PLEKHG1: variants seen among roughly 807,000 people sequenced by gnomAD.
The protein encoded by PLEKHG1 is pleckstrin homology domain-containing family G member 1.
PLEKHG1 carries 44 observed loss-of-function variants against 100.8 expected under a neutral mutation model. That is an observed-to-expected ratio of 0.44 (90% CI 0.34 to 0.56). The LOEUF is 0.56. Among genes scored for constraint, PLEKHG1 ranks in the 20% least tolerant of loss-of-function variants. The pLI is 0.01. For missense variants in PLEKHG1, 1,545 were observed against 1,720.9 expected (o/e 0.90, Z 1.81); for synonymous variants, 640 against 662.5 (o/e 0.97, Z 0.52).
chr6:150,769,609 AAAAAAG>A (rs1232591377), intron 3 of PLEKHG1, among the ~76,000 whole-genome samples: 15 of 150,498 alleles, frequency 1.0e-4, no homozygotes, highest in South Asian at 2.1e-4. Context: ...AAAAAGAAAG[AAAAAAG>A]AAAAAGAAAA....
intron 3 of PLEKHG1, among the ~76,000 whole-genome samples, chr6:150,769,211 A>G (rs1784591286): frequency 1.3e-5 from 2 of 152,208 alleles, no homozygotes; most frequent in Non-Finnish European, 2.9e-5. Context: ...AGTATGTAGC[A>G]GACACTGGGC....
chr6:150,714,638 G>A (rs1781356614), intron 3 of PLEKHG1, among the ~76,000 whole-genome samples: 1 of 152,180 alleles, frequency 6.6e-6, no homozygotes, highest in Non-Finnish European at 1.5e-5. Context: ...AGTAGGGGCT[G>A]AGAAACTACA....
chr6:150,828,001 T>C, intron 14 of PLEKHG1: 1 of 1,613,014 alleles, frequency 6.2e-7, no homozygotes, highest in Non-Finnish European at 8.5e-7. Context: ...GGCGAGGGCT[T>C]GTGGGTCATC....
chr6:150,656,046 T>C (rs1416758513), intron 3 of PLEKHG1, among the ~76,000 whole-genome samples: 1 of 151,730 alleles, frequency 6.6e-6, no homozygotes, highest in Non-Finnish European at 1.5e-5. Context: ...TGTATACCTA[T>C]GTAACAAACC....
At chr6:150,798,115 C>G (rs78300697) in intron 5 of PLEKHG1, among the ~76,000 whole-genome samples, 251 of 152,216 alleles carry the variant, frequency 1.6e-3, no homozygotes, top group Middle Eastern at 3.4e-3. Context: ...CTGAAAACAT[C>G]AGGCGATTGC....
chr6:150,643,023 C>T (rs766229635), intron 2 of PLEKHG1, among the ~76,000 whole-genome samples: 15 of 152,224 alleles, frequency 9.9e-5, no homozygotes, highest in Non-Finnish European at 1.9e-4. Context: ...TGACGGAATC[C>T]CCAGTTCTTT....
In PLEKHG1 at chr6:150,838,166, A is replaced by G. The variant is rs1583227619; in HGVS notation, c.3095-1667A>G. Among the ~76,000 whole-genome samples, 4 of 152,358 alleles carry G rather than the reference A, an allele frequency of 2.6e-5. No individual in the cohort carries two copies. The South Asian group carries it at 8.3e-4, about 32-fold the overall frequency. On this transcript the variant is annotated intron_variant, in intron 15 of 15. Transcript: ENST00000358517. ...TCAAGAAATAATTTACTGATAACAC[A>G]TCATTAAAAATGTAAATAGCTTAAA...
At chr6:150,823,581 A>G (rs1170874126) in intron 13 of PLEKHG1, 73 bp from the exon 15 acceptor site, 3 of 1,015,816 alleles carry the variant, frequency 3.0e-6, no homozygotes, top group Non-Finnish European at 4.6e-6. Flanking sequence ...TAAGTTCTAT[A>G]AAATATTAGT....
At chr6:150,612,051 C>CG (rs932877215) in intron 1 of PLEKHG1, among the ~76,000 whole-genome samples, 7 of 109,356 alleles carry the variant, frequency 6.4e-5, no homozygotes, top group South Asian at 4.1e-4. Context: ...TTGTTCCCCC[C>CG]CCCCCCCCCT....
intron 3 of PLEKHG1, among the ~76,000 whole-genome samples, chr6:150,654,386 G>GC (rs1204181874): frequency 6.6e-6 from 1 of 152,178 alleles, no homozygotes; most frequent in Non-Finnish European, 1.5e-5. Flanking sequence ...AATCCGTGGT[G>GC]CCTTGTGGCC....
chr6:150,710,023 T>C (rs1374146159), intron 3 of PLEKHG1, among the ~76,000 whole-genome samples: 1 of 152,162 alleles, frequency 6.6e-6, no homozygotes, highest in African/African-American at 2.4e-5. Context: ...TTTTTATTAT[T>C]AAATTACTAG....
At chr6:150,795,014 G>A (rs920026262) in intron 4 of PLEKHG1, among the ~76,000 whole-genome samples, 9 of 151,922 alleles carry the variant, frequency 5.9e-5, no homozygotes, top group Non-Finnish European at 1.3e-4. Flanking sequence ...ACATTAAGTG[G>A]TCTAAAAAGT....
rs1452164877 is a variant in PLEKHG1, at chr6:150,683,994, GGA to G, written c.-99+33211_-99+33212del. 8 of 363,168 alleles carry G rather than the reference GGA, an allele frequency of 2.2e-5. No homozygotes were observed. The highest frequency in any genetic ancestry group is 4.3e-5 in the African/African-American group (2 of 46,794). 22.5% of individuals were successfully genotyped at this position (363,168 alleles called of 1,614,324 possible). On this transcript the variant is annotated intron_variant, in intron 3 of 3. Coordinates refer to the PLEKHG1 transcript ENST00000367326. The surrounding 1 kb of genome is among the most constrained non-coding windows in gnomAD (Gnocchi z 4.0). ...AAAGTATCAGGCAGCCTCCTCGGGC[GGA>G]GACCGCAGGTAGATGTCCCTGGCCT...
intron 10 of PLEKHG1, among the ~76,000 whole-genome samples, chr6:150,817,554 A>ATTTTT (rs774464059): frequency 8.7e-6 from 1 of 115,570 alleles, no homozygotes. Flanking sequence ...AAGAATCTGC[A>ATTTTT]TTTTTTTTTT....
chr6:150,711,512 A>T (rs1400356680), intron 3 of PLEKHG1, among the ~76,000 whole-genome samples: 1 of 152,128 alleles, frequency 6.6e-6, no homozygotes, highest in Non-Finnish European at 1.5e-5. Flanking sequence ...TTGTGCAGGG[A>T]TGGGATGTCT....
intron 1 of PLEKHG1, among the ~76,000 whole-genome samples, chr6:150,721,829 C>T (rs1327732450): frequency 6.6e-6 from 1 of 151,996 alleles, no homozygotes; most frequent in African/African-American, 2.4e-5. Context: ...TTTCATTTGG[C>T]TTCATTATTT....
At chr6:150,650,987 C>T (rs550469836) in intron 3 of PLEKHG1, 1 of 152,294 alleles carries the variant, frequency 6.6e-6, no homozygotes, top group South Asian at 2.1e-4. Flanking sequence ...ATGGATAGTA[C>T]TGACTCTATG....
chr6:150,643,880 C>T (rs1281599470), intron 2 of PLEKHG1, among the ~76,000 whole-genome samples: 1 of 151,818 alleles, frequency 6.6e-6, no homozygotes, highest in African/African-American at 2.4e-5. Context: ...GATTTTTTCC[C>T]CCTAAGTGAT....
chr6:150,652,966 C>T (rs1778810892), intron 3 of PLEKHG1, among the ~76,000 whole-genome samples: 1 of 152,180 alleles, frequency 6.6e-6, no homozygotes, highest in African/African-American at 2.4e-5. Context: ...GTCAAGATTA[C>T]TTTGCTTGTG....
Sources: allele counts gnomAD v4.1 joint callset (sites outside exome capture counted in the v4.1 genomes callset), GRCh38; gene constraint gnomAD v4.1.1; non-coding constraint Gnocchi (gnomAD v3.1); transcripts MANE v1.5; gene names NCBI Gene and HGNC (gene_info 2026-07-23, HGNC 2026-07-21).